PUDP: variants seen among roughly 807,000 people sequenced by gnomAD.
PUDP encodes the protein pseudouridine-5'-phosphatase.
In PUDP, 8 loss-of-function variants were observed where a neutral mutation model predicts 9.4. The observed-to-expected ratio is 0.85, with a 90% CI of 0.50 to 1.53. PUDP has a LOEUF of 1.53. Ranked by LOEUF, PUDP falls within the 40% of genes most tolerant of loss-of-function variation. The pLI, the probability that PUDP is intolerant of heterozygous loss-of-function variation, is 0.00. For missense variants in PUDP, 188 were observed against 189.7 expected, an observed-to-expected ratio of 0.99 and a Z score of 0.05; for synonymous variants, 99 against 80.7, an observed-to-expected ratio of 1.23 and a Z score of -1.22.
chrX:7,027,527 ATTCACACATATATGTGTGAATATATATAT>A (rs1929729469), intron 1 of PUDP, among the ~76,000 whole-genome samples: 2 of 103,907 alleles, frequency 1.9e-5, no homozygotes, highest in Admixed American at 1.1e-4. Flanking sequence ...ATATATATAT[ATTCACACATATATGTGTGAATATATATAT>A]GAGAATATAT....
chrX:7,059,726 TATA>T (rs780451224), intron 3 of PUDP, among the ~76,000 whole-genome samples: 1 of 112,268 alleles, frequency 8.9e-6, no homozygotes, highest in Admixed American at 9.4e-5. Context: ...ATGCTTGCTG[TATA>T]ATATGACTCC....
At chrX:6,776,064 C>T (rs1925454364) in intron 3 of PUDP, among the ~76,000 whole-genome samples, 1 of 112,063 alleles carries the variant, frequency 8.9e-6, no homozygotes, top group Non-Finnish European at 1.9e-5. Flanking sequence ...TGGAGAACGT[C>T]ACTGGACATT....
chrX:6,772,914 A>C (rs753572222), intron 3 of PUDP, among the ~76,000 whole-genome samples: 4 of 111,875 alleles, frequency 3.6e-5, no homozygotes, highest in Non-Finnish European at 7.5e-5. Context: ...ACAAAAAAAG[A>C]CAAGTCTGTT....
At chrX:6,887,116 A>G (rs1927436972) in intron 3 of PUDP, among the ~76,000 whole-genome samples, 1 of 90,784 alleles carries the variant, frequency 1.1e-5, no homozygotes, top group Non-Finnish European at 2.2e-5. Flanking sequence ...AATATATTAT[A>G]TGATATATAA....
intron 3 of PUDP, among the ~76,000 whole-genome samples, chrX:6,924,465 T>C (rs760445326): frequency 8.9e-6 from 1 of 112,407 alleles, no homozygotes; most frequent in African/African-American, 3.2e-5. Context: ...CCAGAAGTGT[T>C]TCAGATTACG....
chrX:7,058,570 G>T (rs765977838), intron 3 of PUDP, among the ~76,000 whole-genome samples: 1 of 111,952 alleles, frequency 8.9e-6, no homozygotes, highest in Non-Finnish European at 1.9e-5. Context: ...TTTTAATTTT[G>T]ATTGGCAGTG....
At chrX:6,907,486 T>G (rs1927786328) in intron 3 of PUDP, among the ~76,000 whole-genome samples, 1 of 111,895 alleles carries the variant, frequency 8.9e-6, no homozygotes, top group African/African-American at 3.2e-5. Context: ...TTACCCTGTT[T>G]TATCTTCTCC....
At chrX:6,931,969 C>T (rs1366821782) in intron 3 of PUDP, among the ~76,000 whole-genome samples, 1 of 111,969 alleles carries the variant, frequency 8.9e-6, no homozygotes, top group East Asian at 2.8e-4. Flanking sequence ...TGCTTCACAC[C>T]CAAATGCTTT....
chrX:7,016,470 G>A (rs1929550290), intron 1 of PUDP, among the ~76,000 whole-genome samples: 1 of 111,463 alleles, frequency 9.0e-6, no homozygotes, highest in Admixed American at 9.5e-5. Flanking sequence ...GACAGGAAAA[G>A]AGATTGGGTA....
chrX:6,740,300 A>G (rs5989562), intron 3 of PUDP, among the ~76,000 whole-genome samples: 6,808 of 111,767 alleles, frequency 0.061, 264 homozygotes, highest in African/African-American at 0.12. Context: ...GGTAATTAGC[A>G]TTCTCCCATT....
At chrX:6,794,922 G>GTTT (rs397954777) in intron 3 of PUDP, among the ~76,000 whole-genome samples, 1 of 95,750 alleles carries the variant, frequency 1.0e-5, no homozygotes, top group Non-Finnish European at 2.1e-5. Flanking sequence ...AACTTTTTAG[G>GTTT]TTTTTTTTTT....
intron 3 of PUDP, among the ~76,000 whole-genome samples, chrX:7,074,728 G>T (rs1450522658): frequency 8.9e-6 from 1 of 112,057 alleles, no homozygotes; most frequent in Non-Finnish European, 1.9e-5. Flanking sequence ...TCCACAAGGG[G>T]GAAATTCTAA....
At chrX:6,733,770 CTTTTTTTTTTT>C (rs3046297) in intron 3 of PUDP, among the ~76,000 whole-genome samples, 1 of 46,264 alleles carries the variant, frequency 2.2e-5, no homozygotes. Context: ...AAAGCAAAGC[CTTTTTTTTTTT>C]TTTTTTTTTT....
chrX:6,859,712 C>A (rs759215333), intron 3 of PUDP, among the ~76,000 whole-genome samples: 10 of 111,239 alleles, frequency 9.0e-5, no homozygotes, highest in Non-Finnish European at 1.9e-4. Flanking sequence ...CATGACTTAG[C>A]TGCTCCTATG....
intron 2 of PUDP, among the ~76,000 whole-genome samples, chrX:7,077,734 G>A (rs1201877175): frequency 1.8e-5 from 2 of 112,741 alleles, no homozygotes. Context: ...TTGCCTGCTG[G>A]GCCTCCTTAT....
intron 1 of PUDP, among the ~76,000 whole-genome samples, chrX:7,002,235 T>C (rs1929336106): frequency 8.9e-6 from 1 of 111,905 alleles, no homozygotes; most frequent in African/African-American, 3.3e-5. Context: ...AAATGAGACA[T>C]AGATATTGTT....
At chrX:6,788,563 G>A (rs991665147) in intron 3 of PUDP, among the ~76,000 whole-genome samples, 13 of 111,238 alleles carry the variant, frequency 1.2e-4, no homozygotes, top group Non-Finnish European at 2.3e-4. Context: ...AAAGTAGCCA[G>A]GCATGGTGGC....
chrX:6,933,717 GA>G (rs1389282122), intron 3 of PUDP, among the ~76,000 whole-genome samples: 1 of 96,340 alleles, frequency 1.0e-5, no homozygotes. Flanking sequence ...CAAAGGCAAA[GA>G]AGTTGAAAAT....
chrX:7,092,040 C>T (rs1316791195), intron 2 of PUDP, among the ~76,000 whole-genome samples: 2 of 112,680 alleles, frequency 1.8e-5, no homozygotes, highest in African/African-American at 3.2e-5. Context: ...TTTAACTCAT[C>T]GTAGAGAATG....
Sources: gnomAD v4.1 joint callset for allele counts (sites outside exome capture counted in the v4.1 genomes callset) on GRCh38, gnomAD v4.1.1 for gene constraint, MANE v1.5 for transcripts, NCBI Gene and HGNC (gene_info 2026-07-23, HGNC 2026-07-21) for gene names.